The following VIPAS39 variants were observed in gnomAD, a reference collection of about 807,000 sequenced individuals.
VIPAS39 encodes the protein VPS33B interacting protein, apical-basolateral polarity regulator, spe-39 homolog.
VIPAS39 carries 63 observed loss-of-function variants against 84.7 expected under a neutral mutation model. The observed-to-expected ratio is 0.74, with a 90% CI of 0.61 to 0.92. The LOEUF (loss-of-function observed/expected upper bound fraction) is 0.92. VIPAS39 is among the 40% of genes least tolerant of loss of function. The pLI is 0.00. For missense variants in VIPAS39, 499 were observed against 604.5 expected, an observed-to-expected ratio of 0.83 and a Z score of 1.83; for synonymous variants, 192 against 216.5, an observed-to-expected ratio of 0.89 and a Z score of 0.99.
chr14:77,442,496 A>G (rs1276577597), intron 10 of VIPAS39, 64 bp downstream of exon 10: 24 of 1,362,644 alleles, frequency 1.8e-5, no homozygotes, highest in African/African-American at 1.4e-5. Flanking sequence ...ATTCCTTTGT[A>G]TCCCTCAGAG....
intron 7 of VIPAS39, 131 bp downstream of exon 7, chr14:77,448,363 A>T (rs2078829757): frequency 1.0e-6 from 1 of 984,638 alleles, no homozygotes. Flanking sequence ...CTGACTTTCA[A>T]CCTTAGTGGA....
chr14:77,428,357 T>C lies in VIPAS39; in HGVS notation c.1461+13A>G, dbSNP rs756669400. ...TCCTGAGCCTGCTGGAGGGGTGAAC[T>C]GTAGCTGCTCACCGAGCTGCTGAGA... On this transcript the variant is annotated intron_variant, in intron 19 of 19. Transcript: ENST00000557658. The C allele has an allele frequency of 6.2e-7, 1 of 1,605,196 alleles. No individual in the cohort carries two copies. The highest frequency in any genetic ancestry group is 8.5e-7 in the Non-Finnish European group (1 of 1,172,078).
intron 14 of VIPAS39, among the ~76,000 whole-genome samples, chr14:77,434,646 A>G (rs1441693744): frequency 1.3e-5 from 2 of 151,908 alleles, no homozygotes; most frequent in African/African-American, 4.8e-5. Context: ...TAATCCCAGC[A>G]CTTTGGGAGG....
intron 7 of VIPAS39, among the ~76,000 whole-genome samples, chr14:77,446,710 A>G (rs2078796379): frequency 6.6e-6 from 1 of 152,224 alleles, no homozygotes; most frequent in Non-Finnish European, 1.5e-5. Context: ...CAACATTTAT[A>G]TAATAATCAA....
At chr14:77,430,780 A>G (rs896884055) in intron 16 of VIPAS39, among the ~76,000 whole-genome samples, 5 of 151,990 alleles carry the variant, frequency 3.3e-5, no homozygotes, top group African/African-American at 7.2e-5. Flanking sequence ...ATGATTTCAA[A>G]TTATATTACA....
intron 7 of VIPAS39, among the ~76,000 whole-genome samples, chr14:77,446,524 T>G (rs1181240972): frequency 6.6e-6 from 1 of 152,152 alleles, no homozygotes; most frequent in African/African-American, 2.4e-5. Flanking sequence ...CTACCAAAAT[T>G]GATCTGTACA....
intron 1 of VIPAS39, among the ~76,000 whole-genome samples, chr14:77,455,721 G>A (rs1394040022): frequency 6.6e-6 from 1 of 152,178 alleles, no homozygotes; most frequent in Non-Finnish European, 1.5e-5. Context: ...GCTTTTGATA[G>A]CCCTTAAAGA....
chr14:77,435,934 G>A lies in VIPAS39; in HGVS notation c.837-15C>T. 1 of 1,613,734 alleles carries A rather than the reference G, an allele frequency of 6.2e-7. No homozygotes were observed. Among genetic ancestry groups the A allele is most frequent in the Non-Finnish European group, 8.5e-7 (1 of 1,179,636 alleles). On this transcript the variant is annotated splice_polypyrimidine_tract_variant and intron_variant, in intron 12 of 19. Coordinates refer to ENST00000557658, the MANE Select transcript of VIPAS39 (RefSeq NM_001193315.2). ...AAAATGGCAAACTGGTAGAGTGCCA[G>A]AAGGTTAGTACCTTTCTCTATTCAA...
chr14:77,441,134 G>C, intron 10 of VIPAS39, 41 bp from the exon 11 acceptor site: 1 of 1,611,766 alleles, frequency 6.2e-7, no homozygotes, highest in Non-Finnish European at 8.5e-7. Flanking sequence ...TGTATCTATT[G>C]ATGTGTGGCA....
rs527729637 is a variant in VIPAS39, at chr14:77,444,287, C to G, written c.559G>C (p.Glu187Gln). ...SLQDKLQLLE[E>Q]AVSMHDGNVI... ...TTTCCATCATGCATGCTTACTGCCT[C>G]TTCTAGGAGTTGTAGTTTGTCCTGT... Residue 187 changes from glutamate (E) to glutamine (Q), a missense_variant, in exon 8 of 20, where the codon GAG becomes CAG. Coordinates refer to ENST00000557658, the MANE Select transcript of VIPAS39 (RefSeq NM_001193315.2). 3 of 1,613,808 alleles carry G rather than the reference C, an allele frequency of 1.9e-6. No homozygotes were observed. Among genetic ancestry groups the G allele is most frequent in the Non-Finnish European group, 2.5e-6 (3 of 1,179,832 alleles).
chr14:77,456,997 C>A, intron 1 of VIPAS39: 1 of 1,098,168 alleles, frequency 9.1e-7, no homozygotes, highest in East Asian at 4.2e-5. Context: ...GGGTGAGAGA[C>A]CTCAGGGGAG....
In VIPAS39 at chr14:77,427,447, C is replaced by T; in HGVS notation, c.*169G>A. ...AGATCTCGATCCTCAGATGATGTTC[C>T]TTGGACAGAAGATCAGTCTGAAGTT... On this transcript the variant is annotated 3_prime_UTR_variant, in exon 20 of 20. Coordinates refer to ENST00000557658, the MANE Select transcript of VIPAS39 (RefSeq NM_001193315.2). The T allele has an allele frequency of 1.4e-6, 1 of 739,516 alleles. No individual in the cohort carries two copies. 45.8% of individuals were successfully genotyped at this position (739,516 alleles called of 1,614,324 possible).
chr14:77,429,455 A>ACAGCT (rs200377887), intron 17 of VIPAS39, among the ~76,000 whole-genome samples: 4,428 of 152,280 alleles, frequency 0.029, 212 homozygotes, highest in African/African-American at 0.1. Flanking sequence ...ACTTGGGCTA[A>ACAGCT]CACAGTAGAT....
chr14:77,437,927 T>A (rs1228292636), intron 11 of VIPAS39, 46 bp from the exon 12 acceptor site: 1 of 1,571,692 alleles, frequency 6.4e-7, no homozygotes, highest in South Asian at 1.1e-5. Context: ...TCTCCTTAGA[T>A]GAGGGAGATA....
chr14:77,452,194 A>T (rs775503542), intron 3 of VIPAS39, among the ~76,000 whole-genome samples: 13 of 152,230 alleles, frequency 8.5e-5, no homozygotes, highest in Non-Finnish European at 1.5e-4. Context: ...TCTCCAAGCT[A>T]TATTAACACA....
chr14:77,454,364 T>C (rs1376955231), intron 1 of VIPAS39, among the ~76,000 whole-genome samples: 1 of 152,020 alleles, frequency 6.6e-6, no homozygotes, highest in Non-Finnish European at 1.5e-5. Flanking sequence ...CTCTCTCAGG[T>C]GTTGTAAGGT....
At chr14:77,440,989 A>T in intron 11 of VIPAS39, 77 bp downstream of exon 11, 2 of 1,579,912 alleles carry the variant, frequency 1.3e-6, no homozygotes, top group South Asian at 2.2e-5. Flanking sequence ...AAGTGCTGGG[A>T]TTACAGGCGT....
chr14:77,431,676 GTAAAAA>G (rs1240206357), intron 16 of VIPAS39, among the ~76,000 whole-genome samples: 1 of 151,756 alleles, frequency 6.6e-6, no homozygotes, highest in Non-Finnish European at 1.5e-5. Context: ...TCTCAAAAAA[GTAAAAA>G]TAAAAATAAA....
In VIPAS39 at chr14:77,435,312, G is replaced by A; in HGVS notation, c.994C>T (p.Pro332Ser). 6.2e-7 allele frequency: 1 copy of A among 1,613,634 alleles called. No homozygotes were observed. Among genetic ancestry groups the A allele is most frequent in the Non-Finnish European group, 8.5e-7 (1 of 1,179,934 alleles). ...GAGTAGAAAAGTGTTGTCACTAGTG[G>A]CATGTTGAGGATGGAGGCTTTGCGG... is the stretch of plus-strand genomic sequence containing the variant. ...HPRKASILNM[P>S]LVTTLFYSCF... is the part of the protein sequence containing the mutation. The change falls in exon 14 of 20, where the codon CCA becomes TCA. Residue 332 changes from proline to serine, a missense_variant. Transcript: ENST00000557658.
Sources: allele counts gnomAD v4.1 joint callset (sites outside exome capture counted in the v4.1 genomes callset), GRCh38; gene constraint gnomAD v4.1.1; transcripts MANE v1.5; gene names NCBI Gene and HGNC (gene_info 2026-07-23, HGNC 2026-07-21).